PAFAH1B1: variants seen among roughly 807,000 people sequenced by gnomAD.
The protein encoded by PAFAH1B1 is platelet-activating factor acetylhydrolase IB subunit beta.
PAFAH1B1 carries 2 observed loss-of-function variants against 57.5 expected under a neutral mutation model. That is an observed-to-expected ratio of 0.03 (90% CI 0.01 to 0.11). PAFAH1B1 has a LOEUF of 0.11. PAFAH1B1 is among the 10% of genes least tolerant of loss of function. The probability of loss-of-function intolerance (pLI) is 1.00; values close to 1 mark genes in which losing one functional copy is unlikely to be tolerated. For missense variants in PAFAH1B1, 257 were observed against 512.0 expected (o/e 0.50, Z 4.81); for synonymous variants, 152 against 169.6 (o/e 0.90, Z 0.81).
intron 2 of PAFAH1B1, chr17:2,642,202 A>G (rs2068704207): frequency 6.6e-6 from 1 of 152,190 alleles, no homozygotes; most frequent in Admixed American, 6.5e-5. Context: ...ACTCCCAATA[A>G]TATCAATAGA....
At chr17:2,646,382 A>ACAT (rs1322029273) in intron 2 of PAFAH1B1, among the ~76,000 whole-genome samples, 2 of 152,232 alleles carry the variant, frequency 1.3e-5, no homozygotes, top group Non-Finnish European at 2.9e-5. Flanking sequence ...CAAACTTATG[A>ACAT]GAGTACGGTA....
intron 1 of PAFAH1B1, among the ~76,000 whole-genome samples, chr17:2,629,661 T>A (rs996457661): frequency 1.3e-5 from 2 of 152,186 alleles, no homozygotes; most frequent in African/African-American, 4.8e-5. Flanking sequence ...TGATGACCTG[T>A]CTAGTGCTGT....
chr17:2,619,802 C>A (rs1361795923), intron 1 of PAFAH1B1, among the ~76,000 whole-genome samples: 2 of 152,102 alleles, frequency 1.3e-5, no homozygotes, highest in African/African-American at 4.8e-5. Context: ...CTTTTAATGG[C>A]AGAGTCTCCC....
In PAFAH1B1 at chr17:2,594,246, C is replaced by T. The variant is rs1019073207; in HGVS notation, c.-191+240C>T. 8.5e-5 allele frequency among the ~76,000 whole-genome samples: 13 copies of T among 152,298 alleles called. No homozygotes were observed. The East Asian group carries it at 2.1e-3, about 25-fold the overall frequency. On this transcript the variant is annotated intron_variant, in intron 1 of 10. Transcript: ENST00000397195. ...GGGGACTGTCCGGGGAGGGCGCTGCCCTCGCTCCTCTCCTCCCGGGCCCGG... is the reference window on the plus strand; with the variant it reads ...GGGGACTGTCCGGGGAGGGCGCTGCTCTCGCTCCTCTCCTCCCGGGCCCGG...
chr17:2,675,070 CG>C (rs201110173), intron 8 of PAFAH1B1, among the ~76,000 whole-genome samples: 2,317 of 152,276 alleles, frequency 0.015, 24 homozygotes, highest in Middle Eastern at 0.055. Flanking sequence ...AGCGTGATCT[CG>C]GCTCACTGCA....
chr17:2,624,282 C>T (rs917990882), intron 1 of PAFAH1B1, among the ~76,000 whole-genome samples: 2 of 152,160 alleles, frequency 1.3e-5, no homozygotes, highest in Admixed American at 6.5e-5. Context: ...CTGAGCCCTC[C>T]AAACTGTTCC....
At chr17:2,628,657 G>A (rs115425058) in intron 1 of PAFAH1B1, among the ~76,000 whole-genome samples, 1 of 152,118 alleles carries the variant, frequency 6.6e-6, no homozygotes, top group East Asian at 1.9e-4. Context: ...ATTATCAAAA[G>A]AATTGGTACC....
rs58466840 is a variant in PAFAH1B1 at position 2,607,963 on chromosome 17, A to G, written c.-191+13957A>G. On this transcript the variant is annotated intron_variant, in intron 1 of 10. Transcript: ENST00000397195. ...ATAGATTGTTAGAATTTACGTGAAT[A>G]TTCTACTGTATATCTATATTAATCT... Among the ~76,000 whole-genome samples the G allele has an allele frequency of 1.4e-4, 21 of 152,278 alleles. 1 individual carries two copies. The East Asian group carries it at 3.3e-3, about 24-fold the overall frequency.
At chr17:2,672,428 A>G (rs920949366) in intron 6 of PAFAH1B1, among the ~76,000 whole-genome samples, 1 of 152,056 alleles carries the variant, frequency 6.6e-6, no homozygotes, top group South Asian at 2.1e-4. Flanking sequence ...ACAGGTTGAA[A>G]TTTAATCCTA....
At position 2,618,038 on chromosome 17, in the gene PAFAH1B1, TGAGCTCGA is replaced by T. The variant is rs1297306315; in HGVS notation, c.-190-20056_-190-20049del. The stretch of plus-strand genomic sequence containing the variant: ...CCGAGGTGGGTGGATCACGAGGTCA[TGAGCTCGA>T]GAGCAGCCTGCCCAACATGGTGAAA... On this transcript the variant is annotated intron_variant, in intron 1 of 10. Coordinates refer to ENST00000397195, the MANE Select transcript of PAFAH1B1 (RefSeq NM_000430.4). Among the ~76,000 whole-genome samples, 7 of 152,092 alleles carry T rather than the reference TGAGCTCGA, an allele frequency of 4.6e-5. No homozygotes were observed. In the East Asian group the frequency reaches 1.4e-3, roughly 29 times the overall value.
At chr17:2,638,434 G>A (rs2068651500) in intron 2 of PAFAH1B1, 114 bp downstream of exon 2, 2 of 823,228 alleles carry the variant, frequency 2.4e-6, no homozygotes, top group Non-Finnish European at 4.1e-6. Context: ...TTTTACCAGT[G>A]TTCCAATATT....
At chr17:2,598,051 A>G (rs964665482) in intron 1 of PAFAH1B1, among the ~76,000 whole-genome samples, 1 of 152,066 alleles carries the variant, frequency 6.6e-6, no homozygotes, top group Non-Finnish European at 1.5e-5. Flanking sequence ...GTTCAAGACC[A>G]GCATGGCCAA....
chr17:2,635,622 T>A (rs2068613473), intron 1 of PAFAH1B1: 1 of 152,188 alleles, frequency 6.6e-6, no homozygotes, highest in African/African-American at 2.4e-5. Flanking sequence ...CACCTCAGCC[T>A]CCCAAAGTGT....
chr17:2,675,393 C>G (rs79015252), intron 8 of PAFAH1B1, among the ~76,000 whole-genome samples: 2,725 of 152,246 alleles, frequency 0.018, 94 homozygotes, highest in African/African-American at 0.062. Flanking sequence ...CCCTCTACCC[C>G]CATCCCACTT....
At chr17:2,649,339 G>C (rs1351731537) in intron 2 of PAFAH1B1, among the ~76,000 whole-genome samples, 2 of 151,982 alleles carry the variant, frequency 1.3e-5, no homozygotes, top group Non-Finnish European at 2.9e-5. Flanking sequence ...TTGGAAGGCC[G>C]AGGCGGGTGA....
At chr17:2,631,253 AG>A (rs1295209407) in intron 1 of PAFAH1B1, among the ~76,000 whole-genome samples, 1 of 151,858 alleles carries the variant, frequency 6.6e-6, no homozygotes, top group Non-Finnish European at 1.5e-5. Context: ...AAAAAAAAAA[AG>A]AAAGAAAAAG....
Position 2,664,669 on chromosome 17 carries a change from T to G in PAFAH1B1, c.33-703T>G, listed in dbSNP as rs76656584. Among the ~76,000 whole-genome samples the G allele has an allele frequency of 3.4e-3, 324 of 96,696 alleles. 2 individuals carry two copies. Among genetic ancestry groups the G allele is most frequent in the South Asian group, 6.4e-3 (18 of 2,822 alleles). The allele number at this position is 96,696 out of a possible 152,430, so 63.4% of individuals were successfully genotyped here. ...ATATATCTATATCTATCTATCGCTC[T>G]CTCTCTCTCTCTCTCTCTCTCTCTT... On this transcript the variant is annotated intron_variant, in intron 2 of 10. Transcript: ENST00000397195.
rs34683975 is a variant in PAFAH1B1 at position 2,618,954 on chromosome 17, C to CAA, written c.-190-19123_-190-19122dup. 9.1e-3 allele frequency among the ~76,000 whole-genome samples: 689 copies of CAA among 75,658 alleles called. 23 individuals carry two copies. The East Asian group carries it at 0.13, about 14-fold the overall frequency. 49.6% of individuals were successfully genotyped at this position (75,658 alleles called of 152,430 possible). A position where few individuals can be genotyped will look rare whatever the true frequency, so the allele number is the denominator to read the frequency against. ...TGGGCAATGGAGTGAGACTCCGTCTCAAAAAAAAAAAAAAAAAAAAAAATT... is the reference window on the plus strand; with the variant it reads ...TGGGCAATGGAGTGAGACTCCGTCTCAAAAAAAAAAAAAAAAAAAAAAAAATT... On this transcript the variant is annotated intron_variant, in intron 1 of 10. Coordinates refer to ENST00000397195, the MANE Select transcript of PAFAH1B1 (RefSeq NM_000430.4).
chr17:2,622,015 G>A (rs985498040), intron 1 of PAFAH1B1, among the ~76,000 whole-genome samples: 1 of 152,126 alleles, frequency 6.6e-6, no homozygotes, highest in African/African-American at 2.4e-5. Context: ...AATCCCATCC[G>A]ATCTCGTGAG....
Sources: allele counts gnomAD v4.1 joint callset (sites outside exome capture counted in the v4.1 genomes callset), GRCh38; gene constraint gnomAD v4.1.1; transcripts MANE v1.5; gene names NCBI Gene and HGNC (gene_info 2026-07-23, HGNC 2026-07-21).